Variants in BRWD1 observed in about 807,000 individuals in gnomAD.
BRWD1 encodes the protein bromodomain and WD repeat domain containing 1, also known as bromodomain and WD repeat-containing protein 1.
In BRWD1, 82 loss-of-function variants were observed where a neutral mutation model predicts 251.2. That is an observed-to-expected ratio of 0.33 (90% CI 0.27 to 0.39). The LOEUF is 0.39. Ranked by LOEUF, BRWD1 falls within the 10% of genes least tolerant of loss-of-function variation. The pLI is 1.00. For synonymous variants in BRWD1, 918 were observed against 902.8 expected (o/e 1.02, Z -0.30); for missense variants, 2,233 against 2,711.6 (o/e 0.82, Z 3.92).
intron 7 of BRWD1, among the ~76,000 whole-genome samples, chr21:39,294,654 CAAA>C (rs35545105): frequency 1.0e-5 from 1 of 98,836 alleles, no homozygotes; most frequent in African/African-American, 4.6e-5. Context: ...GACTCCGTCT[CAAA>C]AAAAAAAAAA....
intron 9 of BRWD1, among the ~76,000 whole-genome samples, chr21:39,279,286 T>C (rs919651589): frequency 6.6e-6 from 1 of 152,206 alleles, no homozygotes; most frequent in Non-Finnish European, 1.5e-5. Flanking sequence ...ATTTTATCTA[T>C]ATTTGGATTT....
intron 22 of BRWD1, 45 bp from the exon 23 acceptor site, chr21:39,236,829 G>A: frequency 2.0e-6 from 3 of 1,495,814 alleles, no homozygotes; most frequent in African/African-American, 1.4e-5. Flanking sequence ...CAGAATATAA[G>A]CACTGATAGC....
In BRWD1 at chr21:39,202,451, G is replaced by A; in HGVS notation, c.4459C>T (p.Leu1487Phe). 6.2e-7 allele frequency: 1 copy of A among 1,614,100 alleles called. No homozygotes were observed. ...TQSTSSRTAY[L>F]GTHKTSAGIS... ...CCAGCACTTGTCTTGTGGGTTCCAA[G>A]ATAAGCTGTCCTACTTGAGGTAGAC... Residue 1487 changes from leucine to phenylalanine, a missense_variant, in exon 38 of 41, where the codon CTT becomes TTT. Leu to Phe is a conservative substitution (Grantham distance 22). This residue lies in a region of BRWD1 where 928 missense variants were observed against 970.0 expected (regional missense o/e 0.96). Transcript: ENST00000342449.
intron 28 of BRWD1, 146 bp from the exon 29 acceptor site, chr21:39,224,615 G>T: frequency 1.8e-6 from 1 of 554,194 alleles, no homozygotes; most frequent in East Asian, 3.1e-5. Flanking sequence ...TTTTTAAGAA[G>T]GATATATTAT....
chr21:39,313,021 C>T (rs1473345082), intron 3 of BRWD1, 51 bp downstream of exon 3: 1 of 1,260,830 alleles, frequency 7.9e-7, no homozygotes, highest in Admixed American at 4.5e-5. Flanking sequence ...TCCCTCAGGG[C>T]AAGGTCGGCA....
chr21:39,194,729 A>G lies in BRWD1; in HGVS notation c.*1530T>C. The G allele has an allele frequency of 6.5e-7, 1 of 1,535,358 alleles. No homozygotes were observed. The highest frequency in any genetic ancestry group is 8.7e-7 in the Non-Finnish European group (1 of 1,146,090). ...CTTCGCCTTGTCTGCCACTTCAAAG[A>G]TACACAGGAGAAAAGGTTTTGTCTG... On this transcript the variant is annotated 3_prime_UTR_variant, in exon 41 of 41. Transcript: ENST00000342449.
chr21:39,235,202 T>C (rs751430151), intron 23 of BRWD1, among the ~76,000 whole-genome samples: 4 of 152,044 alleles, frequency 2.6e-5, no homozygotes, highest in East Asian at 1.9e-4. Context: ...TGAGCCAAGA[T>C]TGCACCACTG....
At chr21:39,278,029 T>TG (rs60406237) in intron 10 of BRWD1, among the ~76,000 whole-genome samples, 24 of 152,174 alleles carry the variant, frequency 1.6e-4, no homozygotes, top group African/African-American at 5.8e-4. Context: ...TTTGTTTTTT[T>TG]TTAGAGATGG....
At position 39,189,899 on chromosome 21, in the gene BRWD1, G is replaced by T; in HGVS notation, c.*6360C>A. ...TGATGGTGCCATGTGATACTAAGAA[G>T]TCAGTAGAATCCCACCAGTCCTACT... On this transcript the variant is annotated 3_prime_UTR_variant, in exon 41 of 41. Coordinates refer to ENST00000342449, the MANE Select transcript of BRWD1 (RefSeq NM_033656.4). 1 of 985,370 alleles carries T rather than the reference G, an allele frequency of 1.0e-6. No individual in the cohort carries two copies. Among genetic ancestry groups the T allele is most frequent in the South Asian group, 4.7e-5 (1 of 21,292 alleles). 61.0% of individuals were successfully genotyped at this position (985,370 alleles called of 1,614,324 possible).
rs541461821 is a variant in BRWD1, at chr21:39,221,900, C to CA, written c.3382+2507dup. On this transcript the variant is annotated intron_variant, in intron 29 of 40. Coordinates refer to ENST00000342449, the MANE Select transcript of BRWD1 (RefSeq NM_033656.4). ...ACCTGGGCAAAGAGGGAGACTGTCTCAAAAAAAAAAAGAAAGAAAGAAAAA... is the reference window on the plus strand; with the variant it reads ...ACCTGGGCAAAGAGGGAGACTGTCTCAAAAAAAAAAAAGAAAGAAAGAAAAA... Among the ~76,000 whole-genome samples, 345 of 124,798 alleles carry CA rather than the reference C, an allele frequency of 2.8e-3. 1 individual carries two copies. Among genetic ancestry groups the CA allele is most frequent in the African/African-American group, 8.6e-3 (290 of 33,898 alleles). 81.9% of individuals were successfully genotyped at this position (124,798 alleles called of 152,430 possible).
chr21:39,214,149 C>T (rs899434958), intron 32 of BRWD1, among the ~76,000 whole-genome samples: 1 of 152,020 alleles, frequency 6.6e-6, no homozygotes, highest in Non-Finnish European at 1.5e-5. Context: ...AGAAAGCTGA[C>T]AAGAATCAGT....
chr21:39,248,219 A>G (rs564609932), intron 20 of BRWD1, among the ~76,000 whole-genome samples: 1 of 152,222 alleles, frequency 6.6e-6, no homozygotes. Context: ...ATCTCTATAC[A>G]TAGGTGTAAA....
intron 19 of BRWD1, among the ~76,000 whole-genome samples, chr21:39,253,990 G>C (rs78020737): frequency 0.015 from 2,316 of 152,286 alleles, 57 homozygotes; most frequent in African/African-American, 0.053. Flanking sequence ...TCTTAGGCTG[G>C]GCGTAGTGGC....
intron 25 of BRWD1, among the ~76,000 whole-genome samples, chr21:39,231,671 A>T (rs2033621832): frequency 6.6e-6 from 1 of 152,230 alleles, no homozygotes; most frequent in Non-Finnish European, 1.5e-5. Context: ...CCCCACCAGC[A>T]ATCTGAATAA....
intron 4 of BRWD1, among the ~76,000 whole-genome samples, chr21:39,302,286 A>G (rs1049175019): frequency 2.0e-5 from 3 of 152,116 alleles, no homozygotes; most frequent in Non-Finnish European, 4.4e-5. Flanking sequence ...GCCCAGCCAA[A>G]CCTTCATTAA....
intron 17 of BRWD1, among the ~76,000 whole-genome samples, chr21:39,259,306 C>T (rs547752313): frequency 5.3e-4 from 81 of 152,130 alleles, no homozygotes; most frequent in Non-Finnish European, 8.8e-4. Flanking sequence ...CAGAGTTTTT[C>T]TGAGACGGAG....
At chr21:39,270,493 A>G in intron 13 of BRWD1, 60 bp from the exon 14 acceptor site, 3 of 1,364,570 alleles carry the variant, frequency 2.2e-6, no homozygotes, top group Non-Finnish European at 3.0e-6. Context: ...CAATGTATAC[A>G]ATCTCTCATC....
At chr21:39,257,633 C>T (rs1338344642) in intron 18 of BRWD1, among the ~76,000 whole-genome samples, 1 of 151,806 alleles carries the variant, frequency 6.6e-6, no homozygotes, top group Non-Finnish European at 1.5e-5. Context: ...AATTAGATAG[C>T]AGTGCTATAT....
intron 4 of BRWD1, among the ~76,000 whole-genome samples, chr21:39,300,778 G>A (rs1315959312): frequency 1.3e-5 from 2 of 152,182 alleles, no homozygotes; most frequent in Non-Finnish European, 2.9e-5. Flanking sequence ...AGATGGCCCA[G>A]ATGTTCAAAA....
Sources: allele counts gnomAD v4.1 joint callset (sites outside exome capture counted in the v4.1 genomes callset), GRCh38; gene constraint gnomAD v4.1.1; regional missense constraint gnomAD v4.1.1; transcripts MANE v1.5; gene names NCBI Gene and HGNC (gene_info 2026-07-23, HGNC 2026-07-21).